VPS13C: variants seen among roughly 807,000 people sequenced by gnomAD.
VPS13C encodes vacuolar protein sorting 13 homolog C.
A neutral mutation model predicts 456.8 loss-of-function variants in VPS13C; 358 were observed. The observed-to-expected ratio is 0.78, with a 90% CI of 0.72 to 0.86. VPS13C has a LOEUF of 0.86. VPS13C is among the 40% of genes least tolerant of loss of function. The pLI, the probability that VPS13C is intolerant of heterozygous loss-of-function variation, is 0.00. For synonymous variants in VPS13C, 1,578 were observed against 1,486.7 expected, an observed-to-expected ratio of 1.06 and a Z score of -1.41; for missense variants, 4,818 against 4,385.4, an observed-to-expected ratio of 1.10 and a Z score of -2.79.
intron 51 of VPS13C, among the ~76,000 whole-genome samples, chr15:61,929,223 TA>T (rs1955018374): frequency 6.6e-6 from 1 of 152,180 alleles, no homozygotes; most frequent in African/African-American, 2.4e-5. Flanking sequence ...AACAGGCCAC[TA>T]ACCACTGACC....
At chr15:61,906,190 G>A (rs1369556370) in intron 66 of VPS13C, among the ~76,000 whole-genome samples, 2 of 152,024 alleles carry the variant, frequency 1.3e-5, no homozygotes. Context: ...ATGTCCACTT[G>A]GGCCTAAGCA....
chr15:61,910,402 G>T, intron 63 of VPS13C, 97 bp from the exon 64 acceptor site: 1 of 988,432 alleles, frequency 1.0e-6, no homozygotes, highest in Non-Finnish European at 1.3e-6. Flanking sequence ...TTCTGATCTT[G>T]ATTAAATTAT....
intron 61 of VPS13C, among the ~76,000 whole-genome samples, chr15:61,913,650 T>C (rs2043370919): frequency 6.6e-6 from 1 of 152,170 alleles, no homozygotes; most frequent in African/African-American, 2.4e-5. Context: ...CATTCACCTA[T>C]GCAATGAGTA....
At chr15:61,949,665 G>T (rs903609999) in intron 41 of VPS13C, 60 bp from the exon 42 acceptor site, 2 of 1,514,116 alleles carry the variant, frequency 1.3e-6, no homozygotes, top group South Asian at 1.3e-5. Flanking sequence ...TTACATCAGG[G>T]TTCAACAGAT....
Position 61,964,717 on chromosome 15 carries a change from T to C in VPS13C, c.3196A>G (p.Asn1066Asp). ...TTCATACCTTTTGGCAGAGTTGAATTTTTTTGTTGTTTTTCAGTTGAAATT... is the reference window on the plus strand; with the variant it reads ...TTCATACCTTTTGGCAGAGTTGAATCTTTTTGTTGTTTTTCAGTTGAAATT... ...VQISTEKQQK[N>D]STLPKAIVSS... The change falls in exon 31 of 85, where the codon AAT becomes GAT. Residue 1066 changes from asparagine to aspartate, a missense_variant. This residue lies in a region of VPS13C where 4,552 missense variants were observed against 4,130.6 expected (regional missense o/e 1.10). Coordinates refer to ENST00000644861, the MANE Select transcript of VPS13C (RefSeq NM_020821.3). The C allele has an allele frequency of 1.2e-6, 2 of 1,602,464 alleles. No homozygotes were observed. The highest frequency in any genetic ancestry group is 1.7e-6 in the Non-Finnish European group (2 of 1,176,372).
chr15:61,907,534 C>G, intron 65 of VPS13C, 144 bp from the exon 66 acceptor site: 1 of 1,090,922 alleles, frequency 9.2e-7, no homozygotes, highest in Non-Finnish European at 1.3e-6. Context: ...AAAACAAGTA[C>G]CCTAAAATAT....
At chr15:61,888,520 T>C (rs1403504695) in intron 67 of VPS13C, among the ~76,000 whole-genome samples, 3 of 151,974 alleles carry the variant, frequency 2.0e-5, no homozygotes, top group Non-Finnish European at 4.4e-5. Flanking sequence ...TATTCAATAA[T>C]ACAAAGAAAT....
At chr15:61,878,524 C>T in intron 74 of VPS13C, 83 bp downstream of exon 74, 4 of 1,529,922 alleles carry the variant, frequency 2.6e-6, no homozygotes, top group Non-Finnish European at 3.5e-6. Flanking sequence ...CCTAAGCTAA[C>T]ATTGCACAAG....
intron 8 of VPS13C, 51 bp from the exon 9 acceptor site, chr15:62,020,589 T>C (rs376407287): frequency 5.8e-6 from 9 of 1,563,600 alleles, no homozygotes; most frequent in African/African-American, 1.4e-5. Context: ...TGAAGGCGAA[T>C]CCATGTCCTT....
intron 66 of VPS13C, among the ~76,000 whole-genome samples, chr15:61,902,280 TA>T (rs35248914): frequency 5.2e-4 from 27 of 51,640 alleles, no homozygotes; most frequent in African/African-American, 1.3e-3. Context: ...AAAAAAAACG[TA>T]AAAAAAAAAA....
chr15:61,955,521 A>G (rs8027751), intron 37 of VPS13C, among the ~76,000 whole-genome samples: 1 of 152,016 alleles, frequency 6.6e-6, no homozygotes, highest in Admixed American at 6.6e-5. Context: ...AAAGCCGCTA[A>G]TGTTAATCAT....
intron 1 of VPS13C, among the ~76,000 whole-genome samples, chr15:62,055,032 C>T (rs962829012): frequency 2.6e-5 from 4 of 152,160 alleles, no homozygotes; most frequent in African/African-American, 9.7e-5. Flanking sequence ...TCTACAGTGG[C>T]AAGGATTTTT....
chr15:61,956,028 C>T (rs1449532561), intron 37 of VPS13C, among the ~76,000 whole-genome samples: 1 of 152,088 alleles, frequency 6.6e-6, no homozygotes, highest in Non-Finnish European at 1.5e-5. Context: ...ATGCCCTCAC[C>T]TATTCATCAC....
chr15:61,977,032 G>A, intron 24 of VPS13C, 50 bp downstream of exon 24: 1 of 1,295,396 alleles, frequency 7.7e-7, no homozygotes, highest in Non-Finnish European at 1.1e-6. Flanking sequence ...AACTGATGCA[G>A]ACATATTTCA....
chr15:62,028,463 T>C, intron 5 of VPS13C, 43 bp from the exon 6 acceptor site: 1 of 1,572,964 alleles, frequency 6.4e-7, no homozygotes, highest in Middle Eastern at 1.7e-4. Flanking sequence ...CAAAGCAATT[T>C]AAAGACACCT....
At chr15:61,941,734 C>A in intron 46 of VPS13C, 29 bp downstream of exon 46, 1 of 1,557,782 alleles carries the variant, frequency 6.4e-7, no homozygotes. Context: ...TTCTAGTAAG[C>A]AATACACAAT....
At chr15:61,988,214 GA>G (rs2046118414) in intron 18 of VPS13C, among the ~76,000 whole-genome samples, 2 of 152,184 alleles carry the variant, frequency 1.3e-5, no homozygotes, top group African/African-American at 2.4e-5. Flanking sequence ...AAAATGACTG[GA>G]AAGGGTTACA....
Position 61,991,053 on chromosome 15 carries a change from A to C in VPS13C, c.1525T>G (p.Phe509Val). 6.2e-7 allele frequency: 1 copy of C among 1,612,732 alleles called. No individual in the cohort carries two copies. Among genetic ancestry groups the C allele is most frequent in the Non-Finnish European group, 8.5e-7 (1 of 1,179,532 alleles). ...CTCTCACTATAACCAATGGCAGTGA[A>C]GAGTTTATCTTTTTCCTCTGGAGTC... ...LMTPEEKDKL[F>V]TAIGYSESTH... The change falls in exon 18 of 85, where the codon TTC (phenylalanine) becomes GTC (valine). Residue 509 changes from phenylalanine to valine, a missense_variant. By Grantham distance (50) the Phe-to-Val change is conservative (BLOSUM62 -1). This residue lies in a region of VPS13C where 4,552 missense variants were observed against 4,130.6 expected (regional missense o/e 1.10). Transcript: ENST00000644861.
At chr15:61,989,356 G>A (rs892905824) in intron 18 of VPS13C, among the ~76,000 whole-genome samples, 2 of 151,844 alleles carry the variant, frequency 1.3e-5, no homozygotes, top group African/African-American at 4.8e-5. Context: ...AGCCAAGATC[G>A]TGCCACTGCA....
Sources: gnomAD v4.1 joint callset for allele counts (sites outside exome capture counted in the v4.1 genomes callset) on GRCh38, gnomAD v4.1.1 for gene constraint, gnomAD v4.1.1 regional missense constraint, MANE v1.5 for transcripts, NCBI Gene and HGNC (gene_info 2026-07-23, HGNC 2026-07-21) for gene names.